Variants in SPECC1 observed in about 807,000 individuals in gnomAD.
SPECC1 encodes the protein cytospin-B.
In SPECC1, 62 loss-of-function variants were observed where a neutral mutation model predicts 104.1. That is an observed-to-expected ratio of 0.60 (90% CI 0.49 to 0.74). The LOEUF is 0.74. SPECC1 is among the 30% of genes least tolerant of loss of function. The pLI is 0.00. For synonymous variants in SPECC1, 513 were observed against 501.6 expected (o/e 1.02, Z -0.30); for missense variants, 1,306 against 1,310.5 (o/e 1.00, Z 0.05).
At chr17:20,036,819 CA>C (rs1218556366) in intron 1 of SPECC1, among the ~76,000 whole-genome samples, 1 of 152,100 alleles carries the variant, frequency 6.6e-6, no homozygotes, top group East Asian at 1.9e-4. Flanking sequence ...TATCGTTTTG[CA>C]CAAGTTAGAA....
chr17:20,115,306 C>T (rs1170463097), intron 3 of SPECC1, among the ~76,000 whole-genome samples: 2 of 152,090 alleles, frequency 1.3e-5, no homozygotes, highest in Non-Finnish European at 2.9e-5. Flanking sequence ...AAACCCATCT[C>T]TACTAAAAAT....
At chr17:20,263,056 G>A (rs748619745) in intron 12 of SPECC1, among the ~76,000 whole-genome samples, 4 of 151,382 alleles carry the variant, frequency 2.6e-5, no homozygotes, top group East Asian at 2.0e-4. Flanking sequence ...GTATAAACTC[G>A]CCTCAGACCC....
chr17:20,289,424 C>G (rs1251456502), intron 12 of SPECC1, among the ~76,000 whole-genome samples: 1 of 152,126 alleles, frequency 6.6e-6, no homozygotes, highest in Admixed American at 6.5e-5. Flanking sequence ...GCCTCAGCCT[C>G]CCAAGTAGCT....
chr17:20,090,137 A>G (rs1032447836), intron 1 of SPECC1, among the ~76,000 whole-genome samples: 5 of 152,194 alleles, frequency 3.3e-5, no homozygotes, highest in Non-Finnish European at 7.4e-5. Context: ...TAGCCGGGCC[A>G]TGGGAGCTGG....
In SPECC1 at chr17:20,311,378, T is replaced by G. The variant is rs192616996; in HGVS notation, c.3118-2598T>G. Among the ~76,000 whole-genome samples the G allele has an allele frequency of 2.0e-3, 305 of 151,814 alleles. 3 individuals carry two copies. Among genetic ancestry groups the G allele is most frequent in the African/African-American group, 6.5e-3 (267 of 41,344 alleles). Reference sequence around the variant, plus strand: ...CTAGCTAGAACTTCCAGTACATTTTTTTTTTGTTTTTGTTTTTGTTTTTGT... The same window carrying G: ...CTAGCTAGAACTTCCAGTACATTTTGTTTTTGTTTTTGTTTTTGTTTTTGT... On this transcript the variant is annotated intron_variant, in intron 14 of 14. Coordinates refer to ENST00000395527, the MANE Select transcript of SPECC1 (RefSeq NM_001243439.2).
chr17:20,210,096 G>T (rs1192762805), intron 4 of SPECC1, among the ~76,000 whole-genome samples: 1 of 152,112 alleles, frequency 6.6e-6, no homozygotes, highest in Non-Finnish European at 1.5e-5. Flanking sequence ...GATTTAGAGT[G>T]GCCAGTGGTC....
intron 3 of SPECC1, among the ~76,000 whole-genome samples, chr17:20,138,066 T>C (rs1211127460): frequency 1.3e-5 from 2 of 152,088 alleles, no homozygotes; most frequent in Non-Finnish European, 1.5e-5. Flanking sequence ...ACTCCTGGGC[T>C]CAAGCAGCCC....
At chr17:20,114,392 A>G (rs1043660425) in intron 3 of SPECC1, among the ~76,000 whole-genome samples, 3 of 151,870 alleles carry the variant, frequency 2.0e-5, no homozygotes, top group African/African-American at 7.3e-5. Context: ...GGGTTTCACC[A>G]TGTTAGCCAG....
At chr17:20,168,883 A>AT (rs1290565372) in intron 3 of SPECC1, among the ~76,000 whole-genome samples, 2 of 151,964 alleles carry the variant, frequency 1.3e-5, no homozygotes, top group African/African-American at 4.8e-5. Flanking sequence ...ATTTTATTTT[A>AT]TTTTTTTGAG....
rs982917978 is a variant in SPECC1, at chr17:20,231,876, A to C, written c.2145+45A>C. Reference sequence around the variant, plus strand: ...CTTCACCACCATCTTCCTATGAATTACCCGCTCCGAGGTGTGGATCACTCT... The same window carrying C: ...CTTCACCACCATCTTCCTATGAATTCCCCGCTCCGAGGTGTGGATCACTCT... On this transcript the variant is annotated intron_variant, in intron 6 of 14. Transcript: ENST00000395527. 11 of 1,579,586 alleles carry C rather than the reference A, an allele frequency of 7.0e-6. 1 individual carries two copies. The Admixed American group carries it at 1.5e-4, about 22-fold the overall frequency.
chr17:20,304,926 A>G (rs2041713943), intron 13 of SPECC1, among the ~76,000 whole-genome samples: 1 of 152,070 alleles, frequency 6.6e-6, no homozygotes, highest in South Asian at 2.1e-4. Flanking sequence ...GCCAGATGAG[A>G]AGGAGGCACA....
chr17:20,044,919 T>C (rs2152456302), intron 1 of SPECC1, among the ~76,000 whole-genome samples: 1 of 152,378 alleles, frequency 6.6e-6, no homozygotes, highest in South Asian at 2.1e-4. Context: ...CTCACGCACA[T>C]GCGTGCATGT....
intron 3 of SPECC1, among the ~76,000 whole-genome samples, chr17:20,188,873 T>C (rs2035464820): frequency 6.6e-6 from 1 of 152,160 alleles, no homozygotes; most frequent in Non-Finnish European, 1.5e-5. Flanking sequence ...CAAAGTGATA[T>C]TAATAGAAAT....
Position 20,315,416 on chromosome 17 carries a change from C to T in SPECC1, c.*1351C>T, listed in dbSNP as rs2042027333. ...CGGCCCGAGTGCCCATCTGGTGGCT[C>T]TGCCGTGTTCTTCTGGGCGGATCTG... On this transcript the variant is annotated 3_prime_UTR_variant, in exon 15 of 15. Transcript: ENST00000395527. The T allele has an allele frequency of 1.3e-5, 3 of 232,840 alleles. No homozygotes were observed. Among genetic ancestry groups the T allele is most frequent in the Non-Finnish European group, 2.5e-5 (3 of 117,884 alleles). The allele number at this position is 232,840 out of a possible 1,614,324, so 14.4% of individuals were successfully genotyped here.
intron 3 of SPECC1, among the ~76,000 whole-genome samples, chr17:20,111,206 C>T (rs1336237320): frequency 1.3e-5 from 2 of 152,326 alleles, no homozygotes; most frequent in South Asian, 2.1e-4. Flanking sequence ...CTAACTCTTA[C>T]AGTGCAGCCC....
chr17:20,274,765 C>A lies in SPECC1; in HGVS notation c.2940+14471C>A, dbSNP rs550279401. ...AAAGTGCTAGGATTACACACATGAG[C>A]CACTGTGCCCAGCCTTGTTTCTTCT... On this transcript the variant is annotated intron_variant, in intron 12 of 14. Transcript: ENST00000395527. Among the ~76,000 whole-genome samples the A allele has an allele frequency of 1.7e-4, 26 of 152,020 alleles. No homozygotes were observed. The East Asian group carries it at 5.0e-3, about 29-fold the overall frequency.
chr17:20,019,207 CATTCATTTATTTATTTATTTATTTATTT>C (rs200617389), intron 1 of SPECC1, among the ~76,000 whole-genome samples: 13,964 of 127,182 alleles, frequency 0.11, 851 homozygotes, highest in Non-Finnish European at 0.14. Flanking sequence ...AAGACCCTAT[CATTCATTTATTTATTTATTTATTTATTT>C]ATTTATTTAT....
At chr17:20,176,406 TC>T (rs2034477552) in intron 3 of SPECC1, among the ~76,000 whole-genome samples, 1 of 152,206 alleles carries the variant, frequency 6.6e-6, no homozygotes, top group Non-Finnish European at 1.5e-5. Context: ...TCTCCCTACT[TC>T]CGTGTCCCTC....
chr17:20,095,981 C>G (rs904976045), intron 1 of SPECC1: 1 of 152,430 alleles, frequency 6.6e-6, no homozygotes, highest in East Asian at 1.9e-4. Flanking sequence ...CAGTCTCGGG[C>G]TGCCTTCCAC....
Sources: gnomAD v4.1 joint callset for allele counts (sites outside exome capture counted in the v4.1 genomes callset) on GRCh38, gnomAD v4.1.1 for gene constraint, MANE v1.5 for transcripts, NCBI Gene and HGNC (gene_info 2026-07-23, HGNC 2026-07-21) for gene names.